Variants in THSD7B observed in about 807,000 individuals in gnomAD.
THSD7B encodes the protein thrombospondin type 1 domain containing 7B, also known as thrombospondin type-1 domain-containing protein 7B.
Under a neutral mutation model 213.6 loss-of-function variants are expected in THSD7B, and 138 were observed. That is an observed-to-expected ratio of 0.65 (90% CI 0.56 to 0.74). THSD7B has a LOEUF of 0.74. THSD7B is among the 30% of genes least tolerant of loss of function. The pLI is 0.00. For missense variants in THSD7B, 1,931 were observed against 1,991.5 expected (o/e 0.97, Z 0.58); for synonymous variants, 742 against 687.0 (o/e 1.08, Z -1.25).
At chr2:137,398,476 G>A (rs975406334) in intron 12 of THSD7B, among the ~76,000 whole-genome samples, 10 of 151,922 alleles carry the variant, frequency 6.6e-5, no homozygotes, top group Admixed American at 2.0e-4. Context: ...TAGGCTGCTC[G>A]AGGGTCAGGG....
chr2:137,090,902 T>C (rs991191357), intron 3 of THSD7B, among the ~76,000 whole-genome samples: 9 of 152,214 alleles, frequency 5.9e-5, no homozygotes, highest in Non-Finnish European at 1.5e-5. Context: ...ATCGTAATAA[T>C]ATATCGTGAT....
intron 14 of THSD7B, among the ~76,000 whole-genome samples, chr2:137,442,831 A>G (rs896731450): frequency 6.6e-6 from 1 of 152,140 alleles, no homozygotes; most frequent in Non-Finnish European, 1.5e-5. Context: ...TACATACAGT[A>G]TGGTGTAGTT....
At chr2:136,933,543 C>T (rs1363846281) in intron 2 of THSD7B, among the ~76,000 whole-genome samples, 3 of 152,122 alleles carry the variant, frequency 2.0e-5, no homozygotes, top group African/African-American at 7.2e-5. Context: ...CACACCACTG[C>T]ACTCCAACCT....
intron 3 of THSD7B, among the ~76,000 whole-genome samples, chr2:137,077,651 C>T (rs190196843): frequency 0.088 from 13,439 of 151,892 alleles, 730 homozygotes; most frequent in East Asian, 0.17. Flanking sequence ...TCATATCCTT[C>T]GCCCACTTTT....
chr2:137,474,416 A>G (rs1347026626), intron 15 of THSD7B, among the ~76,000 whole-genome samples: 1 of 152,088 alleles, frequency 6.6e-6, no homozygotes, highest in African/African-American at 2.4e-5. Flanking sequence ...TAGCTTTACC[A>G]GTGGCACTTT....
intron 2 of THSD7B, among the ~76,000 whole-genome samples, chr2:136,891,706 A>G (rs942463340): frequency 2.6e-5 from 4 of 152,168 alleles, no homozygotes; most frequent in Non-Finnish European, 4.4e-5. Context: ...TCCATGTTCT[A>G]GTTGATGAAA....
rs1162139527 is a variant in THSD7B at position 137,450,045 on chromosome 2, T to C, written c.2960-800T>C. ...GAAGTATAATTTTTTAGGAAATTGA[T>C]GGCCTCAGTTTTAGACATGTTGAAT... On this transcript the variant is annotated intron_variant, in intron 14 of 27. Transcript: ENST00000409968. Among the ~76,000 whole-genome samples the C allele has an allele frequency of 2.6e-5, 4 of 152,212 alleles. No homozygotes were observed. The South Asian group carries it at 8.3e-4, about 32-fold the overall frequency.
chr2:136,793,024 A>G (rs190997130), intron 1 of THSD7B, among the ~76,000 whole-genome samples: 9 of 152,122 alleles, frequency 5.9e-5, no homozygotes, highest in Non-Finnish European at 1.0e-4. Flanking sequence ...TTTGGCTGCT[A>G]TGAATAATGC....
intron 15 of THSD7B, among the ~76,000 whole-genome samples, chr2:137,470,257 A>G (rs921540871): frequency 2.0e-5 from 3 of 152,204 alleles, no homozygotes; most frequent in Non-Finnish European, 2.9e-5. Flanking sequence ...AATTACAACA[A>G]TTTTCACCAA....
At chr2:136,857,719 T>G (rs1323547311) in intron 1 of THSD7B, among the ~76,000 whole-genome samples, 1 of 152,220 alleles carries the variant, frequency 6.6e-6, no homozygotes, top group Non-Finnish European at 1.5e-5. Context: ...ATTTGAAGGT[T>G]CAGATCTGGG....
At chr2:136,898,189 T>G (rs1168005389) in intron 2 of THSD7B, among the ~76,000 whole-genome samples, 1 of 152,344 alleles carries the variant, frequency 6.6e-6, no homozygotes, top group East Asian at 1.9e-4. Flanking sequence ...TCCATGGACA[T>G]AGAATGTCTC....
At chr2:137,455,623 G>A (rs1687748068) in intron 15 of THSD7B, among the ~76,000 whole-genome samples, 1 of 152,176 alleles carries the variant, frequency 6.6e-6, no homozygotes, top group Admixed American at 6.5e-5. Flanking sequence ...TTTCTGCTAA[G>A]TATATTTGTG....
intron 13 of THSD7B, among the ~76,000 whole-genome samples, chr2:137,410,266 TTC>T (rs1257719104): frequency 6.6e-6 from 1 of 151,432 alleles, no homozygotes; most frequent in Non-Finnish European, 1.5e-5. Flanking sequence ...CCTGCAGAAA[TTC>T]TTTTTTTTTT....
At chr2:137,448,536 G>T (rs1463692958) in intron 14 of THSD7B, among the ~76,000 whole-genome samples, 1 of 151,534 alleles carries the variant, frequency 6.6e-6, no homozygotes, top group Non-Finnish European at 1.5e-5. Context: ...CTGGCTGGCC[G>T]CAGTGGCTCA....
At chr2:136,807,740 T>C (rs1299559358) in intron 1 of THSD7B, among the ~76,000 whole-genome samples, 2 of 152,096 alleles carry the variant, frequency 1.3e-5, no homozygotes. Context: ...TCTCCTGACC[T>C]TATGATCCAC....
At chr2:137,391,280 G>T (rs549982071) in intron 12 of THSD7B, among the ~76,000 whole-genome samples, 1 of 152,022 alleles carries the variant, frequency 6.6e-6, no homozygotes, top group Non-Finnish European at 1.5e-5. Context: ...TTGATCTTTT[G>T]TATTTCTGTG....
chr2:136,877,706 A>G lies in THSD7B; in HGVS notation c.-35-4438A>G, dbSNP rs530556478. ...AATGCCACGAGACTCCACTACAGAC[A>G]ACTTGCTGTTTTATTTGATGAAGTA... On this transcript the variant is annotated intron_variant, in intron 1 of 27. Transcript: ENST00000409968. 5.3e-5 allele frequency among the ~76,000 whole-genome samples: 8 copies of G among 152,220 alleles called. No homozygotes were observed. The South Asian group carries it at 1.7e-3, about 32-fold the overall frequency.
intron 14 of THSD7B, among the ~76,000 whole-genome samples, chr2:137,444,199 C>T (rs1350035100): frequency 6.6e-6 from 1 of 151,970 alleles, no homozygotes; most frequent in African/African-American, 2.4e-5. Context: ...GAGTATGCAA[C>T]TTCTTTTCAT....
intron 2 of THSD7B, among the ~76,000 whole-genome samples, chr2:136,896,052 T>A (rs189173966): frequency 6.6e-6 from 1 of 152,366 alleles, no homozygotes; most frequent in East Asian, 1.9e-4. Flanking sequence ...AATGCTGTTA[T>A]GGGCATAACA....
Sources: gnomAD v4.1 joint callset for allele counts (sites outside exome capture counted in the v4.1 genomes callset) on GRCh38, gnomAD v4.1.1 for gene constraint, MANE v1.5 for transcripts, NCBI Gene and HGNC (gene_info 2026-07-23, HGNC 2026-07-21) for gene names.